Variants in DCC observed in about 807,000 individuals in gnomAD.
The protein encoded by DCC is netrin receptor DCC.
A neutral mutation model predicts 172.5 loss-of-function variants in DCC; 58 were observed. The ratio of observed to expected loss-of-function variants is 0.34; its 90% confidence interval spans 0.27 to 0.42. The LOEUF (loss-of-function observed/expected upper bound fraction) is 0.42, where lower values mean the gene tolerates loss of function less well. Ranked by LOEUF, DCC falls within the 10% of genes least tolerant of loss-of-function variation. The pLI is 1.00. For missense variants in DCC, 1,740 were observed against 1,791.0 expected, an observed-to-expected ratio of 0.97 and a Z score of 0.51; for synonymous variants, 709 against 644.5, an observed-to-expected ratio of 1.10 and a Z score of -1.52.
intron 21 of DCC, among the ~76,000 whole-genome samples, chr18:53,425,344 C>T (rs1203780924): frequency 6.9e-6 from 1 of 145,484 alleles, no homozygotes; most frequent in Non-Finnish European, 1.5e-5. Flanking sequence ...ACAATTTTCC[C>T]CGTTTCTCCT....
chr18:52,822,459 G>C (rs896157557), intron 2 of DCC, among the ~76,000 whole-genome samples: 2 of 152,204 alleles, frequency 1.3e-5, no homozygotes, highest in African/African-American at 4.8e-5. Flanking sequence ...GCTGAGCTGA[G>C]AGGCCTTTTT....
At chr18:52,442,898 G>C (rs1330812789) in intron 1 of DCC, among the ~76,000 whole-genome samples, 2 of 152,236 alleles carry the variant, frequency 1.3e-5, no homozygotes, top group South Asian at 2.1e-4. Flanking sequence ...TAAAGCAGGT[G>C]GTAAGCTGCA....
At chr18:53,152,604 T>C (rs2054659434) in intron 7 of DCC, among the ~76,000 whole-genome samples, 1 of 152,102 alleles carries the variant, frequency 6.6e-6, no homozygotes, top group African/African-American at 2.4e-5. Flanking sequence ...ACTGTCATTA[T>C]AGTGTGGCAA....
chr18:53,303,814 G>C (rs764916984), intron 12 of DCC, among the ~76,000 whole-genome samples: 1 of 152,198 alleles, frequency 6.6e-6, no homozygotes, highest in African/African-American at 2.4e-5. Flanking sequence ...AACCAGCTCA[G>C]TGCCTTCTTG....
chr18:53,331,459 A>G (rs1328950566), intron 14 of DCC, among the ~76,000 whole-genome samples: 1 of 152,184 alleles, frequency 6.6e-6, no homozygotes, highest in Non-Finnish European at 1.5e-5. Flanking sequence ...GAGGTTTTGC[A>G]ATAGTTGAAG....
intron 1 of DCC, among the ~76,000 whole-genome samples, chr18:52,610,172 AAAAAAAATATATATATATATATATATAT>A (rs2034235403): frequency 2.1e-4 from 4 of 18,820 alleles, no homozygotes; most frequent in Non-Finnish European, 2.7e-4. Context: ...AAAAAAAAAA[AAAAAAAATATATATATATATATATATAT>A]ATATATATAT....
chr18:53,512,882 ACT>A (rs1266449796), intron 27 of DCC, among the ~76,000 whole-genome samples: 7 of 152,164 alleles, frequency 4.6e-5, no homozygotes, highest in Admixed American at 3.3e-4. Context: ...GTTGGGAAAC[ACT>A]CTGCAGGATA....
At chr18:52,957,549 G>A (rs2040765880) in intron 5 of DCC, among the ~76,000 whole-genome samples, 1 of 152,062 alleles carries the variant, frequency 6.6e-6, no homozygotes, top group South Asian at 2.1e-4. Context: ...ATTATCTCCT[G>A]CATTTTATAG....
At chr18:53,090,941 C>T (rs533843129) in intron 7 of DCC, among the ~76,000 whole-genome samples, 1 of 151,834 alleles carries the variant, frequency 6.6e-6, no homozygotes, top group South Asian at 2.1e-4. Context: ...TCCTGGGGTT[C>T]CTGAGTGTCT....
intron 2 of DCC, among the ~76,000 whole-genome samples, chr18:52,855,926 C>T (rs185642579): frequency 6.6e-6 from 1 of 151,838 alleles, no homozygotes; most frequent in Admixed American, 6.6e-5. Context: ...CCACCATGCT[C>T]GGCTGATTTT....
chr18:52,969,582 C>CACTCTCTCTCTCTCT (rs60961374), intron 5 of DCC, among the ~76,000 whole-genome samples: 8 of 80,090 alleles, frequency 1.0e-4, no homozygotes, highest in African/African-American at 3.8e-4. Flanking sequence ...GCCCCGCCCC[C>CACTCTCTCTCTCTCT]CACTCTCTCT....
chr18:52,818,853 G>A (rs1377510627), intron 2 of DCC, among the ~76,000 whole-genome samples: 1 of 152,192 alleles, frequency 6.6e-6, no homozygotes, highest in Non-Finnish European at 1.5e-5. Context: ...CTCCATGACA[G>A]TGGCTAGTTA....
At chr18:53,017,823 A>C (rs183609939) in intron 5 of DCC, among the ~76,000 whole-genome samples, 2 of 152,322 alleles carry the variant, frequency 1.3e-5, no homozygotes, top group African/African-American at 4.8e-5. Context: ...CTTTTTATAC[A>C]TACTACTGCA....
At chr18:53,015,671 T>A (rs2041797833) in intron 5 of DCC, among the ~76,000 whole-genome samples, 1 of 152,170 alleles carries the variant, frequency 6.6e-6, no homozygotes, top group Non-Finnish European at 1.5e-5. Flanking sequence ...GGTATTTTTT[T>A]ATTGCAACTC....
intron 15 of DCC, among the ~76,000 whole-genome samples, chr18:53,341,210 A>G (rs1302015478): frequency 6.6e-6 from 1 of 152,152 alleles, no homozygotes; most frequent in Non-Finnish European, 1.5e-5. Flanking sequence ...ATGCCACTCA[A>G]CAGACAGAGG....
rs916961744 is a variant in DCC, at chr18:52,906,497, A to G, written c.697+169A>G. ...CGAAGCATTCAATCAGGTTGTACCA[A>G]AAGCTGTTCTTTTTTTTTTTTTTCA... On this transcript the variant is annotated intron_variant, in intron 3 of 28. Transcript: ENST00000442544. 2.8e-5 allele frequency among the ~76,000 whole-genome samples: 4 copies of G among 141,754 alleles called. No homozygotes were observed. In the Admixed American group the frequency reaches 2.8e-4, roughly 10 times the overall value. 93.0% of individuals were successfully genotyped at this position (141,754 alleles called of 152,430 possible).
Position 53,136,728 on chromosome 18 carries a change from T to C in DCC, c.1262-20628T>C, listed in dbSNP as rs8094177. 7.8e-3 allele frequency among the ~76,000 whole-genome samples: 1,193 copies of C among 152,256 alleles called. 16 individuals are homozygous for C. The highest frequency in any genetic ancestry group is 0.027 in the African/African-American group (1,111 of 41,538). On this transcript the variant is annotated intron_variant, in intron 7 of 28. Transcript: ENST00000442544. Reference sequence around the variant, plus strand: ...TGGTTGATGTACCTGTCAGGATTCATCAAATTGTGTATGGGCACAGTTTGT... The same window carrying C: ...TGGTTGATGTACCTGTCAGGATTCACCAAATTGTGTATGGGCACAGTTTGT...
At chr18:52,960,876 T>A (rs917657826) in intron 5 of DCC, among the ~76,000 whole-genome samples, 2 of 152,122 alleles carry the variant, frequency 1.3e-5, no homozygotes, top group Non-Finnish European at 2.9e-5. Flanking sequence ...TTTTGCCATA[T>A]AGTGATATTA....
intron 15 of DCC, among the ~76,000 whole-genome samples, chr18:53,360,121 T>C (rs898272846): frequency 4.6e-5 from 7 of 152,106 alleles, no homozygotes; most frequent in African/African-American, 1.4e-4. Context: ...AATCACTTTA[T>C]AAGATAGTTT....
Sources: gnomAD v4.1 joint callset for allele counts (sites outside exome capture counted in the v4.1 genomes callset) on GRCh38, gnomAD v4.1.1 for gene constraint, MANE v1.5 for transcripts, NCBI Gene and HGNC (gene_info 2026-07-23, HGNC 2026-07-21) for gene names.